KCMF1: variants seen among roughly 807,000 people sequenced by gnomAD.
KCMF1 encodes the protein potassium channel modulatory factor 1.
Under a neutral mutation model 41.1 loss-of-function variants are expected in KCMF1, and 3 were observed. That is an observed-to-expected ratio of 0.07 (90% CI 0.03 to 0.19). KCMF1 has a LOEUF of 0.19. Among genes scored for constraint, KCMF1 ranks in the 10% least tolerant of loss-of-function variants. The probability of loss-of-function intolerance (pLI) is 1.00; values close to 1 mark genes in which losing one functional copy is unlikely to be tolerated. For synonymous variants in KCMF1, 142 were observed against 164.5 expected, an observed-to-expected ratio of 0.86 and a Z score of 1.04; for missense variants, 286 against 488.9, an observed-to-expected ratio of 0.58 and a Z score of 3.91.
intron 1 of KCMF1, among the ~76,000 whole-genome samples, chr2:84,996,596 C>T (rs962834340): frequency 4.6e-5 from 7 of 151,708 alleles, no homozygotes; most frequent in Admixed American, 6.6e-5. Context: ...CCACCATGCT[C>T]GGCCAATTTT....
chr2:85,053,178 G>A lies in KCMF1; in HGVS notation c.915G>A (p.Glu305=). The part of the protein sequence containing the change: ...RLNDPKMSET[E]RQSMESERAD... The stretch of plus-strand genomic sequence containing the variant: ...ATGATCCTAAAATGTCTGAAACGGA[G>A]CGCCAGTCCATGGAAAGCGAGCGTG... The change falls in exon 7 of 7, where the codon GAG becomes GAA. Residue 305 remains glutamate (E), a synonymous_variant. Coordinates refer to ENST00000409785, the MANE Select transcript of KCMF1 (RefSeq NM_020122.5). 1 of 1,613,820 alleles carries A rather than the reference G, an allele frequency of 6.2e-7. No individual in the cohort carries two copies. The highest frequency in any genetic ancestry group is 8.5e-7 in the Non-Finnish European group (1 of 1,179,844).
At chr2:84,998,352 C>T (rs898016016) in intron 1 of KCMF1, among the ~76,000 whole-genome samples, 6 of 152,072 alleles carry the variant, frequency 3.9e-5, no homozygotes, top group Non-Finnish European at 7.4e-5. Context: ...GCTTTGGCCT[C>T]CCAAACTGCT....
At chr2:85,026,964 A>G (rs938044675) in intron 1 of KCMF1, among the ~76,000 whole-genome samples, 1 of 152,186 alleles carries the variant, frequency 6.6e-6, no homozygotes, top group African/African-American at 2.4e-5. Context: ...GCTTGGTATC[A>G]ATTCTAATTT....
rs1356938850 is a variant in KCMF1 at position 84,983,910 on chromosome 2, T to C, written c.16+12443T>C. Among the ~76,000 whole-genome samples, 3 of 152,236 alleles carry C rather than the reference T, an allele frequency of 2.0e-5. No individual in the cohort carries two copies. In the East Asian group the frequency reaches 5.8e-4, roughly 29 times the overall value. On this transcript the variant is annotated intron_variant, in intron 1 of 6. Transcript: ENST00000409785. ...ATCCTACCTTGGTCTCCTACAGTGC[T>C]GGGATTACAGGAGTGAGTCCCTATT...
intron 1 of KCMF1, among the ~76,000 whole-genome samples, chr2:84,985,095 C>T (rs1207319235): frequency 6.6e-6 from 1 of 152,040 alleles, no homozygotes; most frequent in African/African-American, 2.4e-5. Context: ...AAAAATACGA[C>T]TGAGGATACA....
At chr2:85,037,574 T>C (rs757642630) in intron 3 of KCMF1, among the ~76,000 whole-genome samples, 33 of 152,236 alleles carry the variant, frequency 2.2e-4, no homozygotes, top group Non-Finnish European at 4.0e-4. Context: ...GTGTCCCCTC[T>C]CACCCCTCAA....
intron 1 of KCMF1, among the ~76,000 whole-genome samples, chr2:85,018,294 C>T (rs1674835845): frequency 8.1e-6 from 1 of 123,918 alleles, no homozygotes; most frequent in South Asian, 2.7e-4. Context: ...TTTTTTGAGA[C>T]GGAGTCCCGC....
chr2:85,055,206 A>G lies in KCMF1; in HGVS notation c.*1797A>G, dbSNP rs576561014. 8.5e-5 allele frequency: 13 copies of G among 152,376 alleles called. No individual in the cohort carries two copies. Among genetic ancestry groups the G allele is most frequent in the Non-Finnish European group, 1.6e-4 (11 of 68,036 alleles). The allele number at this position is 152,376 out of a possible 1,614,324, so 9.4% of individuals were successfully genotyped here. ...TGTGGTCTTTCAAACACATCTGCAC[A>G]TAAGTCACACATTTCAATAAAGCAT... On this transcript the variant is annotated 3_prime_UTR_variant, in exon 7 of 7. Coordinates refer to ENST00000409785, the MANE Select transcript of KCMF1 (RefSeq NM_020122.5).
chr2:85,039,278 T>C (rs985438525), intron 3 of KCMF1, among the ~76,000 whole-genome samples: 1 of 152,164 alleles, frequency 6.6e-6, no homozygotes, highest in African/African-American at 2.4e-5. Context: ...AGGAATGTGG[T>C]TATAAAGAAT....
intron 1 of KCMF1, among the ~76,000 whole-genome samples, chr2:85,018,794 G>GTTT (rs1405322317): frequency 9.2e-6 from 1 of 108,824 alleles, no homozygotes; most frequent in African/African-American, 3.4e-5. Flanking sequence ...TCAGAACTTT[G>GTTT]ATTTTTTTTT....
intron 6 of KCMF1, 86 bp from the exon 7 acceptor site, chr2:85,053,062 T>A (rs1675845249): frequency 8.0e-7 from 1 of 1,254,726 alleles, no homozygotes; most frequent in African/African-American, 1.5e-5. Flanking sequence ...CTGTAAAACT[T>A]CACAGTGGAG....
Position 84,971,416 on chromosome 2 carries a change from C to A in KCMF1, c.-36C>A. On this transcript the variant is annotated 5_prime_UTR_variant, in exon 1 of 7. Transcript: ENST00000409785. ...CCCGCGGGGGACACTGCAGCCGGAG[C>A]CCGGGAGGGGCCGCGCCGCCACCGT... 1.6e-6 allele frequency: 2 copies of A among 1,213,390 alleles called. No individual in the cohort carries two copies. The highest frequency in any genetic ancestry group is 3.4e-5 in the Admixed American group (1 of 29,478). The allele number at this position is 1,213,390 out of a possible 1,614,324, so 75.2% of individuals were successfully genotyped here.
chr2:85,008,375 G>GATATATATCATT (rs1558573636), intron 1 of KCMF1, among the ~76,000 whole-genome samples: 1 of 27,862 alleles, frequency 3.6e-5, no homozygotes, highest in Non-Finnish European at 8.1e-5. Flanking sequence ...TATATCATAT[G>GATATATATCATT]ATATATTATA....
At chr2:85,030,614 T>C (rs999579811) in intron 2 of KCMF1, among the ~76,000 whole-genome samples, 2 of 152,200 alleles carry the variant, frequency 1.3e-5, no homozygotes, top group African/African-American at 2.4e-5. Flanking sequence ...TGCATTGTCT[T>C]GGCACTCTTG....
At chr2:85,026,423 T>C (rs1055607900) in intron 1 of KCMF1, among the ~76,000 whole-genome samples, 4 of 149,762 alleles carry the variant, frequency 2.7e-5, no homozygotes, top group African/African-American at 4.9e-5. Context: ...AGGTGTGAGC[T>C]ATGGCACCCA....
chr2:85,043,436 A>G, intron 3 of KCMF1, 128 bp from the exon 4 acceptor site: 1 of 672,700 alleles, frequency 1.5e-6, no homozygotes, highest in Non-Finnish European at 2.7e-6. Context: ...CTTTTCACTG[A>G]TTTAGGATCT....
At chr2:85,012,779 T>A (rs1279233866) in intron 1 of KCMF1, among the ~76,000 whole-genome samples, 5 of 152,224 alleles carry the variant, frequency 3.3e-5, no homozygotes. Context: ...TGTAGGTCCC[T>A]TTATTTTAAA....
chr2:85,001,696 C>T (rs747143846), intron 1 of KCMF1, among the ~76,000 whole-genome samples: 3 of 152,112 alleles, frequency 2.0e-5, no homozygotes, highest in Non-Finnish European at 2.9e-5. Flanking sequence ...TGGGTGATAC[C>T]TCCCAGTTGA....
intron 1 of KCMF1, among the ~76,000 whole-genome samples, chr2:84,992,404 C>T (rs189211435): frequency 2.8e-4 from 43 of 151,978 alleles, no homozygotes; most frequent in African/African-American, 9.9e-4. Flanking sequence ...TACAGACGCA[C>T]GCCACCACAC....
Sources: gnomAD v4.1 joint callset for allele counts (sites outside exome capture counted in the v4.1 genomes callset) on GRCh38, gnomAD v4.1.1 for gene constraint, MANE v1.5 for transcripts, NCBI Gene and HGNC (gene_info 2026-07-23, HGNC 2026-07-21) for gene names.